Variants in PCDHAC1 observed in about 807,000 individuals in gnomAD.
PCDHAC1 encodes protocadherin alpha-C1.
A neutral mutation model predicts 60.0 loss-of-function variants in PCDHAC1; 42 were observed. The ratio of observed to expected loss-of-function variants is 0.70; its 90% confidence interval spans 0.55 to 0.90. The LOEUF (loss-of-function observed/expected upper bound fraction) is 0.90. Ranked by LOEUF, PCDHAC1 falls within the 40% of genes least tolerant of loss-of-function variation. PCDHAC1 has a pLI of 0.00. For missense variants in PCDHAC1, 1,160 were observed against 1,222.3 expected (o/e 0.95, Z 0.76); for synonymous variants, 468 against 499.3 (o/e 0.94, Z 0.84).
At chr5:141,007,329 TTGCCTGAGCTCAG>T (rs1554261175) in intron 3 of PCDHAC1, among the ~76,000 whole-genome samples, 2 of 149,734 alleles carry the variant, frequency 1.3e-5, no homozygotes. Context: ...AGTGGACAGA[TTGCCTGAGCTCAG>T]GAGTTCGAGA....
At chr5:140,989,321 C>T (rs898791820) in intron 3 of PCDHAC1, among the ~76,000 whole-genome samples, 2 of 152,296 alleles carry the variant, frequency 1.3e-5, no homozygotes, top group Non-Finnish European at 1.5e-5. Context: ...GTCTCACCAA[C>T]TTTGCCACCT....
chr5:140,997,672 GTGT>G (rs1226412114), intron 3 of PCDHAC1, among the ~76,000 whole-genome samples: 3 of 148,192 alleles, frequency 2.0e-5, no homozygotes, highest in African/African-American at 7.5e-5. Context: ...TACAGCTTGT[GTGT>G]GTGTGTGTGT....
At chr5:140,944,413 C>T (rs892243235) in intron 1 of PCDHAC1, among the ~76,000 whole-genome samples, 3 of 152,292 alleles carry the variant, frequency 2.0e-5, no homozygotes, top group African/African-American at 7.2e-5. Context: ...TCTCGAACTC[C>T]TGATCTGAAG....
chr5:140,954,017 T>C (rs2094968085), intron 1 of PCDHAC1, among the ~76,000 whole-genome samples: 1 of 152,162 alleles, frequency 6.6e-6, no homozygotes, highest in Admixed American at 6.5e-5. Flanking sequence ...CTCCCACACA[T>C]AGTGGGACGA....
intron 1 of PCDHAC1, among the ~76,000 whole-genome samples, chr5:140,947,982 T>C (rs1178353293): frequency 1.3e-5 from 2 of 148,572 alleles, no homozygotes; most frequent in Admixed American, 1.3e-4. Flanking sequence ...CTCATAGGTT[T>C]TTCCCAAATA....
chr5:140,996,412 A>G (rs563756317), intron 3 of PCDHAC1, among the ~76,000 whole-genome samples: 1 of 152,332 alleles, frequency 6.6e-6, no homozygotes, highest in Admixed American at 6.5e-5. Context: ...TGGGGCAGGC[A>G]GTGTGAAAAC....
intron 1 of PCDHAC1, among the ~76,000 whole-genome samples, chr5:140,948,960 G>A (rs900113633): frequency 5.9e-5 from 9 of 151,550 alleles, no homozygotes; most frequent in Non-Finnish European, 1.2e-4. Context: ...TTAAAGCCAC[G>A]AATTTATTAG....
intron 1 of PCDHAC1, among the ~76,000 whole-genome samples, chr5:140,971,538 C>T (rs1162304462): frequency 6.6e-6 from 1 of 152,122 alleles, no homozygotes; most frequent in African/African-American, 2.4e-5. Flanking sequence ...GTCATCATTG[C>T]CAGATCAACC....
At position 140,967,833 on chromosome 5, in the gene PCDHAC1, T is replaced by G. The variant is rs1554229998; in HGVS notation, c.2434-11116T>G. The G allele has an allele frequency of 1.2e-6, 2 of 1,614,014 alleles. No homozygotes were observed. The highest frequency in any genetic ancestry group is 4.5e-5 in the East Asian group (2 of 44,876). On this transcript the variant is annotated intron_variant, in intron 1 of 3. Transcript: ENST00000253807. The stretch of plus-strand genomic sequence containing the variant: ...CACTGCAAGGTGCTGGTGGACATCG[T>G]GGACGTGAATGACAATGCCCCAGAG...
At chr5:141,009,602 T>G in intron 3 of PCDHAC1, 25 bp from the exon 4 acceptor site, 1 of 1,608,136 alleles carries the variant, frequency 6.2e-7, no homozygotes, top group Non-Finnish European at 8.5e-7. Flanking sequence ...ACCCTGTTAA[T>G]GATTTGTAAT....
intron 3 of PCDHAC1, among the ~76,000 whole-genome samples, chr5:141,008,087 A>G (rs1033572346): frequency 7.2e-5 from 11 of 152,172 alleles, no homozygotes; most frequent in African/African-American, 2.7e-4. Flanking sequence ...GTTATTCTAC[A>G]TGACAAAGAA....
chr5:140,966,926 C>T (rs782811757), intron 1 of PCDHAC1: 22 of 1,603,344 alleles, frequency 1.4e-5, no homozygotes, highest in Middle Eastern at 1.6e-4. Context: ...GGAGCAGGCA[C>T]CCGGCGCGCT....
At position 140,928,856 on chromosome 5, in the gene PCDHAC1, T is replaced by G. The variant is rs540865490; in HGVS notation, c.1964T>G (p.Leu655Arg). 1 of 1,614,218 alleles carries G rather than the reference T, an allele frequency of 6.2e-7. No individual in the cohort carries two copies. Among genetic ancestry groups the G allele is most frequent in the African/African-American group, 1.3e-5 (1 of 75,080 alleles). ...PLSSSVTLGVLLSNSVPQLLP... is the reference protein window; with the variant it reads ...PLSSSVTLGVRLSNSVPQLLP... ...TCCTCCTCTGTCACTCTGGGTGTGC[T>G]GTTGAGCAACTCTGTCCCTCAGTTA... The change falls in exon 1 of 4, where the codon CTG becomes CGG. Residue 655 changes from leucine (L) to arginine (R), a missense_variant. Around this residue, in one of 3 missense-constraint regions of PCDHAC1, gnomAD observed 1,113 missense variants for 1,163.7 expected, o/e 0.96. Transcript: ENST00000253807.
chr5:140,954,470 G>T (rs999752135), intron 1 of PCDHAC1, among the ~76,000 whole-genome samples: 2 of 152,150 alleles, frequency 1.3e-5, no homozygotes, highest in Non-Finnish European at 2.9e-5. Flanking sequence ...ATTCTGACTG[G>T]TGTGAGAAGA....
At chr5:140,984,247 C>G (rs1394918677) in intron 3 of PCDHAC1, among the ~76,000 whole-genome samples, 2 of 152,138 alleles carry the variant, frequency 1.3e-5, no homozygotes, top group Non-Finnish European at 2.9e-5. Flanking sequence ...GTAGGTCGAC[C>G]TGGTAAGCCA....
chr5:141,000,389 C>A (rs868958582), intron 3 of PCDHAC1, among the ~76,000 whole-genome samples: 168 of 62,538 alleles, frequency 2.7e-3, no homozygotes, highest in Non-Finnish European at 3.7e-3. Flanking sequence ...CTCTCTCTCT[C>A]TCTCTCTATA....
intron 1 of PCDHAC1, among the ~76,000 whole-genome samples, chr5:140,953,068 C>A (rs1243228817): frequency 6.6e-6 from 1 of 152,198 alleles, no homozygotes; most frequent in East Asian, 1.9e-4. Context: ...CAGGCCCCAT[C>A]TCCAACATTG....
chr5:140,983,629 T>C (rs2097059537), intron 3 of PCDHAC1, among the ~76,000 whole-genome samples: 1 of 152,228 alleles, frequency 6.6e-6, no homozygotes, highest in African/African-American at 2.4e-5. Flanking sequence ...TTAAGAAATG[T>C]ACCCAAGTTC....
At position 140,927,630 on chromosome 5, in the gene PCDHAC1, A is replaced by C; in HGVS notation, c.738A>C (p.Ala246=). 6.2e-7 allele frequency: 1 copy of C among 1,614,182 alleles called. No homozygotes were observed. The highest frequency in any genetic ancestry group is 8.5e-7 in the Non-Finnish European group (1 of 1,180,012). The change falls in exon 1 of 4, where the codon GCA becomes GCC. Residue 246 remains alanine, a synonymous_variant. Transcript: ENST00000253807. ...ACCGCACCAAGGTTCCAGAGACTGC[A>C]CCCAATGGGACTGTGTTATTCCGAG... ...SVYRTKVPET[A]PNGTVLFRVQ...
Sources: gnomAD v4.1 joint callset for allele counts (sites outside exome capture counted in the v4.1 genomes callset) on GRCh38, gnomAD v4.1.1 for gene constraint, gnomAD v4.1.1 regional missense constraint, MANE v1.5 for transcripts, NCBI Gene and HGNC (gene_info 2026-07-23, HGNC 2026-07-21) for gene names.